SORCS3: variants seen among roughly 807,000 people sequenced by gnomAD.
SORCS3 encodes sortilin related VPS10 domain containing receptor 3.
In SORCS3, 57 loss-of-function variants were observed where a neutral mutation model predicts 146.3. The ratio of observed to expected loss-of-function variants is 0.39; its 90% confidence interval spans 0.31 to 0.49. The LOEUF (loss-of-function observed/expected upper bound fraction) is 0.49, where lower values mean the gene tolerates loss of function less well. Among genes scored for constraint, SORCS3 ranks in the 20% least tolerant of loss-of-function variants. SORCS3 has a pLI of 0.92. For synonymous variants in SORCS3, 653 were observed against 618.5 expected (o/e 1.06, Z -0.83); for missense variants, 1,341 against 1,575.5 (o/e 0.85, Z 2.52).
intron 11 of SORCS3, among the ~76,000 whole-genome samples, chr10:105,159,323 A>G (rs180832050): frequency 6.6e-6 from 1 of 152,326 alleles, no homozygotes; most frequent in African/African-American, 2.4e-5. Context: ...AACATGATAT[A>G]TGAACTTCCT....
At chr10:104,786,681 G>A (rs1267113816) in intron 1 of SORCS3, among the ~76,000 whole-genome samples, 1 of 152,056 alleles carries the variant, frequency 6.6e-6, no homozygotes, top group African/African-American at 2.4e-5. Flanking sequence ...CAGGTGCAGA[G>A]CATGTGCTGG....
rs537020730 is a variant in SORCS3, at chr10:104,957,940, G to A, written c.796-19395G>A. ...AACGCCTATGATCACAAGCTCTTTTGTTTTGAGATAATGGGGTCAAATTTG... is the reference window on the plus strand; with the variant it reads ...AACGCCTATGATCACAAGCTCTTTTATTTTGAGATAATGGGGTCAAATTTG... On this transcript the variant is annotated intron_variant, in intron 3 of 26. Coordinates refer to ENST00000369701, the MANE Select transcript of SORCS3 (RefSeq NM_014978.3). 2.6e-5 allele frequency among the ~76,000 whole-genome samples: 4 copies of A among 152,156 alleles called. No individual in the cohort carries two copies. In the South Asian group the frequency reaches 8.3e-4, roughly 32 times the overall value.
intron 2 of SORCS3, among the ~76,000 whole-genome samples, chr10:104,897,413 C>T (rs889040538): frequency 1.3e-5 from 2 of 152,048 alleles, no homozygotes; most frequent in East Asian, 1.9e-4. Flanking sequence ...GGAACATTTA[C>T]GAGATGGGAG....
intron 1 of SORCS3, among the ~76,000 whole-genome samples, chr10:104,730,290 C>T (rs2016691056): frequency 6.6e-6 from 1 of 150,984 alleles, no homozygotes; most frequent in Admixed American, 6.6e-5. Flanking sequence ...GAAACTGAGG[C>T]TCAAGGAATA....
intron 2 of SORCS3, among the ~76,000 whole-genome samples, chr10:104,861,728 G>A (rs146159735): frequency 2.6e-5 from 4 of 152,258 alleles, no homozygotes; most frequent in African/African-American, 9.6e-5. Flanking sequence ...CAGGGAGGAC[G>A]TTCCCAGGGG....
rs548165720 is a variant in SORCS3 at position 104,760,411 on chromosome 10, A to G, written c.628-82381A>G. Reference sequence around the variant, plus strand: ...AATTGCTTCTTAGGCAACCTCTGCTAGCCAGGGTGCATCAAGAAGCAACAA... The same window carrying G: ...AATTGCTTCTTAGGCAACCTCTGCTGGCCAGGGTGCATCAAGAAGCAACAA... On this transcript the variant is annotated intron_variant, in intron 1 of 26. Transcript: ENST00000369701. Among the ~76,000 whole-genome samples, 6 of 152,326 alleles carry G rather than the reference A, an allele frequency of 3.9e-5. No homozygotes were observed. The East Asian group carries it at 1.2e-3, about 29-fold the overall frequency.
rs557721487 is a variant in SORCS3, at chr10:105,001,927, T to C, written c.954+24434T>C. 9.9e-5 allele frequency among the ~76,000 whole-genome samples: 15 copies of C among 152,252 alleles called. No homozygotes were observed. The East Asian group carries it at 2.9e-3, about 29-fold the overall frequency. On this transcript the variant is annotated intron_variant, in intron 4 of 26. Transcript: ENST00000369701. ...ATTATCAGAGCTAGAAATGACAGAA[T>C]TGAGATTCACAGACATGTCTGACTT...
intron 2 of SORCS3, among the ~76,000 whole-genome samples, chr10:104,904,929 G>A (rs773022531): frequency 6.6e-6 from 1 of 151,944 alleles, no homozygotes; most frequent in Non-Finnish European, 1.5e-5. Context: ...GGGTTCAGGC[G>A]CACACTGCCT....
intron 1 of SORCS3, among the ~76,000 whole-genome samples, chr10:104,817,198 G>C (rs2496003): frequency 1.3e-5 from 2 of 152,112 alleles, no homozygotes; most frequent in South Asian, 2.1e-4. Flanking sequence ...GAGGAAGATA[G>C]GGCCCATGGA....
chr10:105,177,353 T>C (rs532711223), intron 13 of SORCS3, among the ~76,000 whole-genome samples: 3 of 152,298 alleles, frequency 2.0e-5, no homozygotes, highest in Non-Finnish European at 2.9e-5. Context: ...CCTTGGGCTA[T>C]GCCCCCTGGT....
chr10:105,085,941 G>T (rs2055657391), intron 5 of SORCS3, among the ~76,000 whole-genome samples: 1 of 151,744 alleles, frequency 6.6e-6, no homozygotes, highest in African/African-American at 2.4e-5. Context: ...CTGTCTTTTG[G>T]CTATTGTCTT....
chr10:104,895,450 G>GA (rs2018788884), intron 2 of SORCS3, among the ~76,000 whole-genome samples: 1 of 152,054 alleles, frequency 6.6e-6, no homozygotes, highest in African/African-American at 2.4e-5. Flanking sequence ...ACAACAGGGA[G>GA]AAAAAAAGTG....
intron 3 of SORCS3, among the ~76,000 whole-genome samples, chr10:104,916,873 A>G (rs1413558804): frequency 6.6e-6 from 1 of 152,120 alleles, no homozygotes; most frequent in Non-Finnish European, 1.5e-5. Context: ...CAAGCTTCAA[A>G]CCATTGTGCG....
intron 1 of SORCS3, 28 bp from the exon 2 acceptor site, chr10:104,842,764 C>G (rs2018156526): frequency 6.3e-7 from 1 of 1,594,798 alleles, no homozygotes; most frequent in Non-Finnish European, 8.6e-7. Flanking sequence ...TGTTCCTCTC[C>G]TTTGCCCTTA....
chr10:105,105,405 T>C lies in SORCS3; in HGVS notation c.1102T>C (p.Tyr368His). The C allele has an allele frequency of 1.9e-6, 3 of 1,612,690 alleles. No individual in the cohort carries two copies. The highest frequency in any genetic ancestry group is 2.5e-6 in the Non-Finnish European group (3 of 1,178,798). The change falls in exon 7 of 27, where the codon TAC becomes CAC. Residue 368 changes from tyrosine to histidine, a missense_variant. By Grantham distance (83) the Tyr-to-His change is moderately conservative. Coordinates refer to ENST00000369701, the MANE Select transcript of SORCS3 (RefSeq NM_014978.3). ...CTACCCTCCTGTTTCAGATGCTCAC[T>C]ACCTCACCTGCAGGATCCAGGAATG... is the stretch of plus-strand genomic sequence containing the variant. ...EVRTTDGYAH[Y>H]LTCRIQECAE...
chr10:104,994,191 C>A (rs1260167385), intron 4 of SORCS3, among the ~76,000 whole-genome samples: 1 of 152,134 alleles, frequency 6.6e-6, no homozygotes, highest in African/African-American at 2.4e-5. Context: ...TGCTATCATA[C>A]AGAGAGAACT....
intron 1 of SORCS3, among the ~76,000 whole-genome samples, chr10:104,766,513 C>G (rs546261323): frequency 1.3e-5 from 2 of 152,204 alleles, no homozygotes; most frequent in East Asian, 3.8e-4. Flanking sequence ...TTTGTGTTCA[C>G]TCTTGTATCG....
In SORCS3 at chr10:105,123,081, C is replaced by T. The variant is rs145011135; in HGVS notation, c.1213-16316C>T. The stretch of plus-strand genomic sequence containing the variant: ...GTTGTTGTTCTTGGAGAACTGCCTT[C>T]CAGGCAAAACTGTTGAAGACATTCC... On this transcript the variant is annotated intron_variant, in intron 7 of 26. Coordinates refer to ENST00000369701, the MANE Select transcript of SORCS3 (RefSeq NM_014978.3). 8.9e-3 allele frequency among the ~76,000 whole-genome samples: 1,352 copies of T among 152,322 alleles called. 12 individuals carry two copies. Among genetic ancestry groups the T allele is most frequent in the Non-Finnish European group, 0.013 (854 of 68,016 alleles).
chr10:105,079,728 T>G (rs1182729617), intron 5 of SORCS3, among the ~76,000 whole-genome samples: 3 of 152,168 alleles, frequency 2.0e-5, no homozygotes, highest in Admixed American at 1.3e-4. Context: ...CCTCCCACTC[T>G]CCACCCTCTG....
Sources: allele counts gnomAD v4.1 joint callset (sites outside exome capture counted in the v4.1 genomes callset), GRCh38; gene constraint gnomAD v4.1.1; transcripts MANE v1.5; gene names NCBI Gene and HGNC (gene_info 2026-07-23, HGNC 2026-07-21).